The following TNS1 variants were observed in gnomAD, a reference collection of about 807,000 sequenced individuals.
The protein encoded by TNS1 is tensin-1.
Under a neutral mutation model 168.6 loss-of-function variants are expected in TNS1, and 62 were observed. The ratio of observed to expected loss-of-function variants is 0.37; its 90% CI spans 0.30 to 0.45. The LOEUF (loss-of-function observed/expected upper bound fraction) is 0.45, where lower values mean the gene tolerates loss of function less well. TNS1 is among the 20% of genes least tolerant of loss of function. TNS1 has a pLI of 1.00. For missense variants in TNS1, 2,240 were observed against 2,339.4 expected, an observed-to-expected ratio of 0.96 and a Z score of 0.88; for synonymous variants, 934 against 933.2, an observed-to-expected ratio of 1.00 and a Z score of -0.02.
chr2:217,834,347 C>G (rs925587456), intron 21 of TNS1, among the ~76,000 whole-genome samples: 4 of 152,246 alleles, frequency 2.6e-5, no homozygotes, highest in Non-Finnish European at 5.9e-5. Flanking sequence ...CCAGTGTCTC[C>G]TTTTTGTGCT....
chr2:218,026,214 A>C (rs759782255), intron 1 of TNS1, among the ~76,000 whole-genome samples: 2 of 152,190 alleles, frequency 1.3e-5, no homozygotes, highest in Non-Finnish European at 2.9e-5. Context: ...GTTACATAAG[A>C]TCTTCATCAA....
upstream of TNS1, among the ~76,000 whole-genome samples, chr2:218,007,787 C>G (rs761208382): frequency 1.3e-5 from 2 of 152,162 alleles, no homozygotes; most frequent in Non-Finnish European, 1.5e-5. Context: ...TCATACACCT[C>G]AGCCTCTGAG....
intron 1 of TNS1, among the ~76,000 whole-genome samples, chr2:218,029,325 T>TGA (rs1559415108): frequency 1.3e-5 from 2 of 152,226 alleles, no homozygotes; most frequent in Non-Finnish European, 2.9e-5. Flanking sequence ...ATCAAGGTGC[T>TGA]GAAGTTCTCC....
At chr2:217,949,943 A>T (rs1240740263) in intron 3 of TNS1, among the ~76,000 whole-genome samples, 1 of 152,200 alleles carries the variant, frequency 6.6e-6, no homozygotes, top group Non-Finnish European at 1.5e-5. Flanking sequence ...ATTTATTGAA[A>T]ACAGAAATTC....
Position 217,813,590 on chromosome 2 carries a change from G to A in TNS1, c.4861+95C>T. The A allele has an allele frequency of 6.6e-7, 1 of 1,504,836 alleles. No individual in the cohort carries two copies. The highest frequency in any genetic ancestry group is 8.9e-7 in the Non-Finnish European group (1 of 1,121,600). The allele number at this position is 1,504,836 out of a possible 1,614,324, so 93.2% of individuals were successfully genotyped here. A position where few individuals can be genotyped will look rare whatever the true frequency, so the allele number is the denominator to read the frequency against. ...TCCGAAGAGCCTGATGGGAGTTAAG[G>A]TCCTGCCCAGCACCCTGGGTCCCTC... On this transcript the variant is annotated intron_variant, in intron 26 of 32. Transcript: ENST00000682258. This position sits in a 1 kb window ranked among gnomAD's most constrained non-coding sequence, Gnocchi z 4.0.
intron 3 of TNS1, among the ~76,000 whole-genome samples, chr2:217,935,116 T>G (rs78343208): frequency 0.022 from 3,375 of 152,256 alleles, 132 homozygotes; most frequent in African/African-American, 0.075. Context: ...CCCCTGAAGT[T>G]GACTCTGTCA....
chr2:217,892,419 A>C (rs1225235718), intron 11 of TNS1, among the ~76,000 whole-genome samples: 1 of 152,202 alleles, frequency 6.6e-6, no homozygotes, highest in African/African-American at 2.4e-5. Flanking sequence ...TTGTTGAGTG[A>C]ATAACAAAAC....
At position 217,848,006 on chromosome 2, in the gene TNS1, G is replaced by A; in HGVS notation, c.2511C>T (p.Leu837=). The change falls in exon 19 of 33, where the codon CTC becomes CTT. Residue 837 remains leucine (L), a synonymous_variant. Coordinates refer to ENST00000682258, the MANE Select transcript of TNS1 (RefSeq NM_001387777.1). The stretch of plus-strand genomic sequence containing the variant: ...GCTCCAGGTCCAGCATCAGCATATT[G>A]AGTGTTTCGATGGACTGTTCAATCT... ...QQEIEQSIET[L]NMLMLDLEPA... 6.6e-7 allele frequency: 1 copy of A among 1,515,546 alleles called. No homozygotes were observed. 93.9% of individuals were successfully genotyped at this position (1,515,546 alleles called of 1,614,324 possible). A position where few individuals can be genotyped will look rare whatever the true frequency, so the allele number is the denominator to read the frequency against.
At position 217,818,522 on chromosome 2, in the gene TNS1, G is replaced by A; in HGVS notation, c.3810C>T (p.Phe1270=). 1 of 1,614,246 alleles carries A rather than the reference G, an allele frequency of 6.2e-7. No homozygotes were observed. The highest frequency in any genetic ancestry group is 8.5e-7 in the Non-Finnish European group (1 of 1,180,048). ...SSPESQARAQ[F]SVAGVHTVPG... ...GCACCGTGTGGACGCCAGCCACACT[G>A]AACTGAGCTCGAGCCTGGCTTTCCG... is the stretch of plus-strand genomic sequence containing the variant. Residue 1270 remains phenylalanine, a synonymous_variant, in exon 24 of 33, where the codon TTC becomes TTT. Coordinates refer to ENST00000682258, the MANE Select transcript of TNS1 (RefSeq NM_001387777.1).
At chr2:218,011,949 A>T (rs190154221), upstream of TNS1, among the ~76,000 whole-genome samples, 87 of 152,334 alleles carry the variant, frequency 5.7e-4, no homozygotes, top group Admixed American at 1.2e-3. Context: ...TGGAGGGGGC[A>T]TCAGGGAGGT....
At chr2:217,975,276 G>A (rs1162917524) in intron 3 of TNS1, among the ~76,000 whole-genome samples, 1 of 152,084 alleles carries the variant, frequency 6.6e-6, no homozygotes, top group Non-Finnish European at 1.5e-5. Context: ...CCCCATGAGA[G>A]ACCCCTAGCC....
At chr2:217,925,432 T>C (rs1465977709) in intron 3 of TNS1, among the ~76,000 whole-genome samples, 2 of 151,932 alleles carry the variant, frequency 1.3e-5, no homozygotes, top group Middle Eastern at 3.2e-3. Context: ...CTTGGTTATG[T>C]AAAATCCCAA....
At chr2:217,805,475 CCACACA>C (rs1559131602) in intron 32 of TNS1, among the ~76,000 whole-genome samples, 3 of 46,102 alleles carry the variant, frequency 6.5e-5, no homozygotes, top group South Asian at 7.3e-4. Flanking sequence ...ACCACACACA[CCACACA>C]CACCACACAC....
At chr2:217,822,032 A>T in intron 22 of TNS1, 94 bp from the exon 23 acceptor site, 1 of 1,299,580 alleles carries the variant, frequency 7.7e-7, no homozygotes, top group Non-Finnish European at 1.0e-6. Flanking sequence ...AGCTTCCTGG[A>T]CTCCTGCCTG....
chr2:217,936,955 C>G, intron 3 of TNS1: 1 of 456,800 alleles, frequency 2.2e-6, no homozygotes, highest in South Asian at 1.5e-5. Flanking sequence ...GGGAGACCCA[C>G]GCTTGTTATT....
intron 3 of TNS1, among the ~76,000 whole-genome samples, chr2:217,958,426 G>A (rs986828192): frequency 3.3e-5 from 5 of 152,330 alleles, no homozygotes; most frequent in Admixed American, 1.3e-4. Context: ...ATGGCTACAC[G>A]GGAGACATCG....
chr2:217,948,612 C>T lies in TNS1; in HGVS notation c.187-28376G>A, dbSNP rs1957171264. ...GGTGCTTCCATCTCAGGATCACCCC[C>T]TAGTGGGGCCTCCTCACTAGGGCTC... On this transcript the variant is annotated intron_variant, in intron 3 of 32. Transcript: ENST00000682258. This position sits in a 1 kb window ranked among gnomAD's most constrained non-coding sequence, Gnocchi z 4.1. Among the ~76,000 whole-genome samples the T allele has an allele frequency of 1.3e-5, 2 of 152,088 alleles. No homozygotes were observed. The highest frequency in any genetic ancestry group is 4.1e-4 in the South Asian group (2 of 4,836).
At chr2:217,806,800 C>T (rs181754423) in intron 32 of TNS1, among the ~76,000 whole-genome samples, 1 of 152,362 alleles carries the variant, frequency 6.6e-6, no homozygotes, top group African/African-American at 2.4e-5. Context: ...CTTCCAGCCT[C>T]CATTCTCTCA....
intron 18 of TNS1, among the ~76,000 whole-genome samples, chr2:217,860,074 G>T (rs1270052221): frequency 6.6e-6 from 1 of 152,156 alleles, no homozygotes; most frequent in Admixed American, 6.5e-5. Flanking sequence ...CACAGACACA[G>T]GCTTGCCCTG....
Sources: gnomAD v4.1 joint callset for allele counts (sites outside exome capture counted in the v4.1 genomes callset) on GRCh38, gnomAD v4.1.1 for gene constraint, Gnocchi (gnomAD v3.1) non-coding constraint, MANE v1.5 for transcripts, NCBI Gene and HGNC (gene_info 2026-07-23, HGNC 2026-07-21) for gene names.